PFKFB1: variants seen among roughly 807,000 people sequenced by gnomAD.
The protein encoded by PFKFB1 is 6-phosphofructo-2-kinase/fructose-2,6-bisphosphatase 1.
PFKFB1 carries 34 observed loss-of-function variants against 46.4 expected under a neutral mutation model. That is an observed-to-expected ratio of 0.73 (90% CI 0.56 to 0.98). PFKFB1 has a LOEUF of 0.98. PFKFB1 is among the 50% of genes least tolerant of loss of function. PFKFB1 has a pLI of 0.00. For missense variants in PFKFB1, 393 were observed against 376.3 expected, an observed-to-expected ratio of 1.04 and a Z score of -0.37; for synonymous variants, 119 against 133.8, an observed-to-expected ratio of 0.89 and a Z score of 0.76.
intron 8 of PFKFB1, among the ~76,000 whole-genome samples, chrX:54,951,098 A>C: frequency 8.9e-6 from 1 of 112,907 alleles, no homozygotes; most frequent in East Asian, 2.8e-4. Context: ...CCTGCACTTC[A>C]TTTCCCACCT....
At chrX:54,993,840 T>G (rs1935305932) in intron 1 of PFKFB1, 71 bp downstream of exon 1, 18 of 1,124,698 alleles carry the variant, frequency 1.6e-5, no homozygotes, top group Non-Finnish European at 2.0e-5. Flanking sequence ...CAAGGGGAGG[T>G]GCATCCTTTG....
At chrX:54,967,395 A>G (rs183251552) in intron 1 of PFKFB1, among the ~76,000 whole-genome samples, 1 of 111,282 alleles carries the variant, frequency 9.0e-6, no homozygotes, top group African/African-American at 3.3e-5. Context: ...TTTACCATTC[A>G]GGACATAGGC....
chrX:54,998,268 A>G (rs1935384773), upstream of PFKFB1: 4 of 507,316 alleles, frequency 7.9e-6, no homozygotes, highest in Non-Finnish European at 1.4e-5. Context: ...ATATAGATAT[A>G]ATCTTTTCCC....
At chrX:54,951,732 C>T (rs1569546796) in intron 8 of PFKFB1, among the ~76,000 whole-genome samples, 173 bp downstream of exon 8, 1 of 112,309 alleles carries the variant, frequency 8.9e-6, no homozygotes, top group East Asian at 2.8e-4. Flanking sequence ...AGCCATTCGG[C>T]GGCTGGGTCC....
At chrX:54,986,586 A>G (rs1478515751) in intron 1 of PFKFB1, among the ~76,000 whole-genome samples, 3 of 112,010 alleles carry the variant, frequency 2.7e-5, no homozygotes, top group African/African-American at 9.7e-5. Flanking sequence ...TCCACTGACA[A>G]TAGTTGGAAA....
upstream of PFKFB1, chrX:54,998,387 T>C (rs938957912): frequency 2.6e-6 from 3 of 1,140,901 alleles, no homozygotes; most frequent in African/African-American, 3.6e-5. Flanking sequence ...CTGCCTACTT[T>C]CCCTTCTTTC....
At chrX:54,969,598 G>A (rs745800362) in intron 1 of PFKFB1, among the ~76,000 whole-genome samples, 3 of 112,097 alleles carry the variant, frequency 2.7e-5, no homozygotes, top group Admixed American at 1.9e-4. Context: ...ATATCCATTC[G>A]TAATAAAACT....
At chrX:54,960,987 G>A in intron 2 of PFKFB1, 70 bp from the exon 3 acceptor site, 1 of 647,204 alleles carries the variant, frequency 1.5e-6, no homozygotes, top group Non-Finnish European at 2.5e-6. Flanking sequence ...CTTGCTGGGA[G>A]GGACCTCAGA....
chrX:54,978,773 T>C (rs752694439), intron 1 of PFKFB1, among the ~76,000 whole-genome samples: 39 of 112,012 alleles, frequency 3.5e-4, no homozygotes, highest in Non-Finnish European at 5.5e-4. Flanking sequence ...ACCTCACCTC[T>C]ATGGTATTCT....
intron 10 of PFKFB1, among the ~76,000 whole-genome samples, chrX:54,939,600 G>A (rs1315025016): frequency 8.9e-6 from 1 of 111,944 alleles, no homozygotes; most frequent in East Asian, 2.8e-4. Flanking sequence ...TACCATCAGA[G>A]AATAATATAA....
At chrX:54,951,467 T>A (rs1004971861) in intron 8 of PFKFB1, among the ~76,000 whole-genome samples, 1 of 111,611 alleles carries the variant, frequency 9.0e-6, no homozygotes, top group African/African-American at 3.3e-5. Flanking sequence ...GAGGGCAGAA[T>A]TGGGAAGAAG....
At chrX:54,993,782 C>T (rs965353155) in intron 1 of PFKFB1, 129 bp downstream of exon 1, 8 of 904,668 alleles carry the variant, frequency 8.8e-6, no homozygotes, top group African/African-American at 2.0e-5. Flanking sequence ...TCTATTTCAT[C>T]CAGTTGTTCA....
At chrX:54,972,246 A>G (rs1235284563) in intron 1 of PFKFB1, among the ~76,000 whole-genome samples, 2 of 110,544 alleles carry the variant, frequency 1.8e-5, no homozygotes, top group East Asian at 2.8e-4. Flanking sequence ...GGGATGAGAC[A>G]ATGGGGTTTT....
At chrX:54,988,945 CT>C (rs1569547380) in intron 1 of PFKFB1, among the ~76,000 whole-genome samples, 2 of 112,097 alleles carry the variant, frequency 1.8e-5, no homozygotes. Context: ...ATGGATTAAC[CT>C]TGAAAACATG....
intron 10 of PFKFB1, among the ~76,000 whole-genome samples, chrX:54,942,253 G>C (rs1933665819): frequency 9.0e-6 from 1 of 110,786 alleles, no homozygotes. Flanking sequence ...TGGGGTGGAG[G>C]AATGGGGGAG....
At chrX:54,944,459 A>T (rs1933743732) in intron 10 of PFKFB1, among the ~76,000 whole-genome samples, 1 of 111,825 alleles carries the variant, frequency 8.9e-6, no homozygotes. Flanking sequence ...AAACAACGAA[A>T]CCCAACTATA....
At chrX:54,948,997 T>C in intron 9 of PFKFB1, 78 bp downstream of exon 9, 1 of 1,103,869 alleles carries the variant, frequency 9.1e-7, no homozygotes, top group Non-Finnish European at 1.2e-6. Context: ...CCATAGGGGC[T>C]GGAGCAGAGG....
chrX:54,987,947 T>G (rs1935147688), intron 1 of PFKFB1, among the ~76,000 whole-genome samples: 1 of 111,634 alleles, frequency 9.0e-6, no homozygotes, highest in African/African-American at 3.2e-5. Flanking sequence ...GGATGTCTGT[T>G]TTCATCTCAT....
chrX:54,960,859 A>G lies in PFKFB1; in HGVS notation c.282T>C (p.Phe94=). 8.4e-7 allele frequency: 1 copy of G among 1,194,363 alleles called. No individual in the cohort carries two copies. The highest frequency in any genetic ancestry group is 1.1e-6 in the Non-Finnish European group (1 of 882,366). Residue 94 remains phenylalanine (F), a synonymous_variant, in exon 3 of 14, where the codon TTT becomes TTC. Coordinates refer to ENST00000375006, the MANE Select transcript of PFKFB1 (RefSeq NM_002625.4). The part of the protein sequence containing the change: ...EAVSYKNYEF[F]LPDNMEALQI... ...GCAGGGCTTCCATGTTGTCTGGAAGAAAGAATTCATAGTTCTTGTAGCTCA... is the reference window on the plus strand; with the variant it reads ...GCAGGGCTTCCATGTTGTCTGGAAGGAAGAATTCATAGTTCTTGTAGCTCA...
Sources: allele counts gnomAD v4.1 joint callset (sites outside exome capture counted in the v4.1 genomes callset), GRCh38; gene constraint gnomAD v4.1.1; transcripts MANE v1.5; gene names NCBI Gene and HGNC (gene_info 2026-07-23, HGNC 2026-07-21).